CAMK2B: variants seen among roughly 807,000 people sequenced by gnomAD.
CAMK2B encodes calcium/calmodulin-dependent protein kinase type II subunit beta.
In CAMK2B, 27 loss-of-function variants were observed where a neutral mutation model predicts 93.7. The observed-to-expected ratio is 0.29, with a 90% CI of 0.21 to 0.40. The LOEUF is 0.40. Ranked by LOEUF, CAMK2B falls within the 10% of genes least tolerant of loss-of-function variation. The pLI is 1.00. For synonymous variants in CAMK2B, 374 were observed against 358.8 expected, an observed-to-expected ratio of 1.04 and a Z score of -0.48; for missense variants, 568 against 895.8, an observed-to-expected ratio of 0.63 and a Z score of 4.67.
At position 44,283,402 on chromosome 7, in the gene CAMK2B, C is replaced by T. The variant is rs562477555; in HGVS notation, c.160+729G>A. Among the ~76,000 whole-genome samples, 173 of 152,378 alleles carry T rather than the reference C, an allele frequency of 1.1e-3. 1 individual carries two copies. The highest frequency in any genetic ancestry group is 4.0e-3 in the African/African-American group (166 of 41,592). ...CTGCTCCATCACTGCCTGCAGTGCC[C>T]AGAGCTGATCATTGCCAGCAGGGCT... On this transcript the variant is annotated intron_variant, in intron 2 of 23. Transcript: ENST00000395749.
chr7:44,254,860 A>T (rs931360129), intron 4 of CAMK2B, among the ~76,000 whole-genome samples: 1 of 69,712 alleles, frequency 1.4e-5, no homozygotes, highest in Non-Finnish European at 3.0e-5. Context: ...ATCTATAATG[A>T]CATTTAACAT....
chr7:44,243,352 G>A lies in CAMK2B; in HGVS notation c.518-19C>T. ...GCGAAACCTAGAGAGAGGGGAAGAG[G>A]CCACAAGGGGCTGTCAGCATCACCT... is the stretch of plus-strand genomic sequence containing the variant. On this transcript the variant is annotated intron_variant, in intron 7 of 23. Transcript: ENST00000395749. 6.2e-7 allele frequency: 1 copy of A among 1,612,582 alleles called. No individual in the cohort carries two copies.
At chr7:44,285,363 C>T (rs1456795867) in intron 1 of CAMK2B, among the ~76,000 whole-genome samples, 2 of 152,178 alleles carry the variant, frequency 1.3e-5, no homozygotes, top group Non-Finnish European at 2.9e-5. Flanking sequence ...TGGAGGAAGC[C>T]CACCACCAGG....
Position 44,242,477 on chromosome 7 carries a change from C to A in CAMK2B, c.696+83G>T, listed in dbSNP as rs1408840888. On this transcript the variant is annotated intron_variant, in intron 9 of 23. Coordinates refer to ENST00000395749, the MANE Select transcript of CAMK2B (RefSeq NM_001220.5). ...GACCTGGCCACAGGTGGCTTCACCC[C>A]ACTCCTAGCCTCTTCCCACGCTGCC... is the stretch of plus-strand genomic sequence containing the variant. 8.7e-6 allele frequency: 13 copies of A among 1,496,906 alleles called. No homozygotes were observed. In the East Asian group the frequency reaches 1.2e-4, roughly 13 times the overall value. 92.7% of individuals were successfully genotyped at this position (1,496,906 alleles called of 1,614,324 possible).
At chr7:44,282,082 A>T (rs2097106359) in intron 2 of CAMK2B, among the ~76,000 whole-genome samples, 1 of 152,188 alleles carries the variant, frequency 6.6e-6, no homozygotes. Flanking sequence ...GTGTGTGAAC[A>T]TGCACAGGTA....
At chr7:44,235,274 C>T (rs2096615134) in intron 13 of CAMK2B, among the ~76,000 whole-genome samples, 1 of 152,264 alleles carries the variant, frequency 6.6e-6, no homozygotes, top group Admixed American at 6.5e-5. Flanking sequence ...CCTGCTCGCC[C>T]TCATTCCGAG....
chr7:44,318,348 C>T (rs1584947939), intron 1 of CAMK2B, among the ~76,000 whole-genome samples: 1 of 152,214 alleles, frequency 6.6e-6, no homozygotes, highest in East Asian at 1.9e-4. Context: ...ACCTGCAGAG[C>T]CACCCAATAC....
rs770784234 is a variant in CAMK2B, at chr7:44,226,486, G to A, written c.1597+30C>T. On this transcript the variant is annotated intron_variant, in intron 20 of 23. Transcript: ENST00000395749. The stretch of plus-strand genomic sequence containing the variant: ...ACGCCCCGAGCCCCTCCGGGCAGCC[G>A]CTGCCACGGCCACTCAAGGTGCTAC... 1.1e-5 allele frequency: 15 copies of A among 1,378,496 alleles called. No individual in the cohort carries two copies. In the Middle Eastern group the frequency reaches 7.7e-4, roughly 71 times the overall value. The allele number at this position is 1,378,496 out of a possible 1,614,324, so 85.4% of individuals were successfully genotyped here.
Position 44,292,911 on chromosome 7 carries a change from G to A in CAMK2B, c.66-8686C>T, listed in dbSNP as rs1787250711. Among the ~76,000 whole-genome samples, 2 of 152,214 alleles carry A rather than the reference G, an allele frequency of 1.3e-5. 1 individual carries two copies. The highest frequency in any genetic ancestry group is 2.9e-5 in the Non-Finnish European group (2 of 68,050). ...CTGTCCATCCACCTGATGTCCACAA[G>A]CTCATCCAAGGATACACCCAAACTT... On this transcript the variant is annotated intron_variant, in intron 1 of 23. Coordinates refer to ENST00000395749, the MANE Select transcript of CAMK2B (RefSeq NM_001220.5).
chr7:44,277,631 C>G (rs2097060024), intron 2 of CAMK2B, among the ~76,000 whole-genome samples: 1 of 152,192 alleles, frequency 6.6e-6, no homozygotes, highest in South Asian at 2.1e-4. Context: ...GGCGCTAGAC[C>G]CAAATCAGGG....
chr7:44,300,386 T>C (rs1443667366), intron 1 of CAMK2B, among the ~76,000 whole-genome samples: 1 of 151,866 alleles, frequency 6.6e-6, no homozygotes, highest in Non-Finnish European at 1.5e-5. Flanking sequence ...GGTCTTGAAC[T>C]CCTAGGCTCA....
Position 44,309,464 on chromosome 7 carries a change from C to T in CAMK2B, c.65+15893G>A, listed in dbSNP as rs572260750. Among the ~76,000 whole-genome samples the T allele has an allele frequency of 5.8e-3, 886 of 152,314 alleles. 3 individuals carry two copies. Among genetic ancestry groups the T allele is most frequent in the African/African-American group, 0.02 (824 of 41,560 alleles). ...CCCACCCTTGCTGCGCCCCCATCTCCCTCCTGCACGTCCAGGGGCTGCCCT... is the reference window on the plus strand; with the variant it reads ...CCCACCCTTGCTGCGCCCCCATCTCTCTCCTGCACGTCCAGGGGCTGCCCT... On this transcript the variant is annotated intron_variant, in intron 1 of 23. Transcript: ENST00000395749.
chr7:44,287,952 G>C (rs546160955), intron 1 of CAMK2B, among the ~76,000 whole-genome samples: 4 of 152,348 alleles, frequency 2.6e-5, no homozygotes, highest in Admixed American at 6.5e-5. Context: ...CTAGGTATCA[G>C]GCACAGTGCC....
chr7:44,295,598 A>G (rs1184493635), intron 1 of CAMK2B, among the ~76,000 whole-genome samples: 1 of 152,254 alleles, frequency 6.6e-6, no homozygotes, highest in Non-Finnish European at 1.5e-5. Context: ...GCGTGCACCC[A>G]CACTTTTGTA....
rs919562667 is a variant in CAMK2B, at chr7:44,271,739, C to T, written c.161-8675G>A. Among the ~76,000 whole-genome samples, 29 of 152,260 alleles carry T rather than the reference C, an allele frequency of 1.9e-4. No homozygotes were observed. Among genetic ancestry groups the T allele is most frequent in the African/African-American group, 6.5e-4 (27 of 41,476 alleles). ...AAATGTGAAGTAGAACCAGTCCTGA[C>T]CCCAAAGTCAGCTTGGGCCATGCGG... On this transcript the variant is annotated intron_variant, in intron 2 of 23. Transcript: ENST00000395749. The surrounding 1 kb of genome is among the most constrained non-coding windows in gnomAD (Gnocchi z 4.2).
chr7:44,229,272 G>T, intron 18 of CAMK2B, 116 bp downstream of exon 18: 1 of 684,548 alleles, frequency 1.5e-6, no homozygotes, highest in South Asian at 2.0e-5. Context: ...ATTGTGGGGT[G>T]ATGAGGCTGG....
At chr7:44,308,719 C>T (rs537639680) in intron 1 of CAMK2B, among the ~76,000 whole-genome samples, 5 of 152,300 alleles carry the variant, frequency 3.3e-5, no homozygotes, top group African/African-American at 1.2e-4. Flanking sequence ...GGCAAGGCCC[C>T]GTCCTACTCA....
intron 1 of CAMK2B, among the ~76,000 whole-genome samples, chr7:44,300,218 T>C (rs973179784): frequency 1.3e-5 from 2 of 152,054 alleles, no homozygotes; most frequent in Non-Finnish European, 2.9e-5. Flanking sequence ...TAATTTTTTG[T>C]AGAGATGGGG....
At position 44,241,620 on chromosome 7, in the gene CAMK2B, C is replaced by A. The variant is rs571718099; in HGVS notation, c.903+80G>T. 1.5e-5 allele frequency: 17 copies of A among 1,112,214 alleles called. No homozygotes were observed. The South Asian group carries it at 2.1e-4, about 14-fold the overall frequency. The allele number at this position is 1,112,214 out of a possible 1,614,324, so 68.9% of individuals were successfully genotyped here. ...GCAGTAACCCCTAGGTCTGCCCAGA[C>A]CCCCCAAGGCCCCCCTGCTCCAGCC... On this transcript the variant is annotated intron_variant, in intron 11 of 23. Transcript: ENST00000395749.
Sources: allele counts gnomAD v4.1 joint callset (sites outside exome capture counted in the v4.1 genomes callset), GRCh38; gene constraint gnomAD v4.1.1; non-coding constraint Gnocchi (gnomAD v3.1); transcripts MANE v1.5; gene names NCBI Gene and HGNC (gene_info 2026-07-23, HGNC 2026-07-21).